Variants in TMEM161B observed in about 807,000 individuals in gnomAD.
TMEM161B encodes transmembrane protein 161B.
Under a neutral mutation model 61.8 loss-of-function variants are expected in TMEM161B, and 34 were observed. That is an observed-to-expected ratio of 0.55 (90% CI 0.42 to 0.73). The LOEUF (loss-of-function observed/expected upper bound fraction) is 0.73. Ranked by LOEUF, TMEM161B falls within the 30% of genes least tolerant of loss-of-function variation. TMEM161B has a pLI of 0.00. For missense variants in TMEM161B, 456 were observed against 558.5 expected, an observed-to-expected ratio of 0.82 and a Z score of 1.85; for synonymous variants, 167 against 192.8, an observed-to-expected ratio of 0.87 and a Z score of 1.11.
chr5:88,251,336 GTGA>G (rs1228013267), intron 1 of TMEM161B, among the ~76,000 whole-genome samples: 8 of 152,056 alleles, frequency 5.3e-5, no homozygotes, highest in Non-Finnish European at 5.9e-5. Context: ...CACAAATCTT[GTGA>G]CTTCTGGCCA....
chr5:88,190,322 A>G, downstream of TMEM161B: 3 of 696,502 alleles, frequency 4.3e-6, no homozygotes, highest in East Asian at 2.7e-5. Flanking sequence ...TGCGAGATGT[A>G]GAAATACTGG....
intron 5 of TMEM161B, among the ~76,000 whole-genome samples, chr5:88,209,942 G>A (rs898277010): frequency 3.9e-5 from 6 of 152,122 alleles, no homozygotes; most frequent in African/African-American, 1.4e-4. Context: ...CTTCCCAGCT[G>A]AGGCCATTCT....
At chr5:88,240,517 A>C (rs1314233288) in intron 2 of TMEM161B, among the ~76,000 whole-genome samples, 3 of 151,788 alleles carry the variant, frequency 2.0e-5, no homozygotes. Flanking sequence ...AAACAGATAA[A>C]CTACTAATAT....
chr5:88,253,622 A>G (rs1037789982), intron 1 of TMEM161B, among the ~76,000 whole-genome samples: 2 of 152,178 alleles, frequency 1.3e-5, no homozygotes, highest in African/African-American at 4.8e-5. Context: ...GTACTTGGAA[A>G]TAATCCCAGG....
At chr5:88,258,890 T>G (rs990431515) in intron 1 of TMEM161B, among the ~76,000 whole-genome samples, 1 of 152,156 alleles carries the variant, frequency 6.6e-6, no homozygotes, top group Non-Finnish European at 1.5e-5. Context: ...AGATTAGTAT[T>G]TCAAAGGGCT....
intron 4 of TMEM161B, among the ~76,000 whole-genome samples, chr5:88,224,180 T>C (rs1384166775): frequency 1.3e-5 from 2 of 152,178 alleles, no homozygotes; most frequent in Non-Finnish European, 2.9e-5. Flanking sequence ...AAAACACGCA[T>C]CATTTCATTT....
At chr5:88,242,433 T>C (rs866479902) in intron 1 of TMEM161B, among the ~76,000 whole-genome samples, 1 of 151,218 alleles carries the variant, frequency 6.6e-6, no homozygotes, top group African/African-American at 2.4e-5. Flanking sequence ...ACTCCAAAAA[T>C]AAAGTTGAAT....
chr5:88,198,809 A>G (rs1348685464), intron 10 of TMEM161B, 167 bp downstream of exon 10: 4 of 652,684 alleles, frequency 6.1e-6, no homozygotes, highest in Non-Finnish European at 7.5e-6. Context: ...CTTGGCACCA[A>G]AATCAGATCA....
chr5:88,246,980 T>C (rs1260324600), intron 1 of TMEM161B, among the ~76,000 whole-genome samples: 1 of 151,952 alleles, frequency 6.6e-6, no homozygotes, highest in Non-Finnish European at 1.5e-5. Context: ...ACTGATTCTC[T>C]TGATAACTGG....
At chr5:88,258,690 C>A (rs1484199865) in intron 1 of TMEM161B, among the ~76,000 whole-genome samples, 1 of 152,066 alleles carries the variant, frequency 6.6e-6, no homozygotes, top group African/African-American at 2.4e-5. Context: ...GAAGTTTTGG[C>A]TTCAGTAACA....
At chr5:88,197,551 T>C in intron 11 of TMEM161B, 118 bp downstream of exon 11, 1 of 892,040 alleles carries the variant, frequency 1.1e-6, no homozygotes, top group Admixed American at 2.6e-5. Flanking sequence ...TGGTTCTTTT[T>C]ACAACTTTTA....
intron 2 of TMEM161B, 30 bp downstream of exon 2, chr5:88,240,783 T>C (rs762387742): frequency 1.4e-6 from 2 of 1,463,830 alleles, no homozygotes; most frequent in South Asian, 1.1e-5. Context: ...ATTGAAAGTG[T>C]CAGTTGAAAT....
At position 88,205,934 on chromosome 5, in the gene TMEM161B, G is replaced by A; in HGVS notation, c.680C>T (p.Thr227Ile). The A allele has an allele frequency of 1.2e-6, 2 of 1,609,678 alleles. No individual in the cohort carries two copies. Among genetic ancestry groups the A allele is most frequent in the Non-Finnish European group, 1.7e-6 (2 of 1,177,848 alleles). ...GAAAATAGCCAGGAAAAATTTGAAAGTAAGTTTTGAAACAGGACTCCTAAA... is the reference window on the plus strand; with the variant it reads ...GAAAATAGCCAGGAAAAATTTGAAAATAAGTTTTGAAACAGGACTCCTAAA... ...LESQSPVSKL[T>I]FKFFLAIFCS... Residue 227 changes from threonine to isoleucine, a missense_variant, in exon 8 of 12, where the codon ACT (threonine) becomes ATT (isoleucine). By Grantham distance (89) the Thr-to-Ile change is moderately conservative. This residue lies in a region of TMEM161B where 367 missense variants were observed against 427.3 expected (regional missense o/e 0.86). Coordinates refer to ENST00000296595, the MANE Select transcript of TMEM161B (RefSeq NM_153354.5).
chr5:88,204,576 A>C lies in TMEM161B; in HGVS notation c.800+1238T>G, dbSNP rs191704992. Among the ~76,000 whole-genome samples the C allele has an allele frequency of 2.4e-3, 360 of 152,252 alleles. 1 individual carries two copies. The highest frequency in any genetic ancestry group is 8.3e-3 in the African/African-American group (345 of 41,546). On this transcript the variant is annotated intron_variant, in intron 8 of 11. Coordinates refer to ENST00000296595, the MANE Select transcript of TMEM161B (RefSeq NM_153354.5). ...CCACAGCGGTTTCAGTAGCTTGTGA[A>C]GGGCTCCCCTCCACCCACCCTTTTC...
At chr5:88,213,602 G>A (rs1313451664) in intron 5 of TMEM161B, among the ~76,000 whole-genome samples, 1 of 151,790 alleles carries the variant, frequency 6.6e-6, no homozygotes, top group Non-Finnish European at 1.5e-5. Flanking sequence ...TTTATTTTCA[G>A]AACAAAATTT....
Position 88,220,723 on chromosome 5 carries a change from G to GAAAT in TMEM161B, c.290-5_290-4insATTT. ...TATTCTGGAAAGTAATGCAATGCTG[G>GAAAT]AAAGAAAAAAAAAAAAAAAAAAAAA... On this transcript the variant is annotated splice_region_variant and splice_polypyrimidine_tract_variant and intron_variant, in intron 4 of 11. Transcript: ENST00000296595. The GAAAT allele has an allele frequency of 7.5e-6, 2 of 267,172 alleles. No individual in the cohort carries two copies. Among genetic ancestry groups the GAAAT allele is most frequent in the African/African-American group, 1.3e-4 (1 of 7,508 alleles). The allele number at this position is 267,172 out of a possible 1,614,324, so 16.6% of individuals were successfully genotyped here.
Position 88,220,726 on chromosome 5 carries a change from A to AC in TMEM161B, c.290-8_290-7insG. The AC allele has an allele frequency of 2.0e-5, 24 of 1,218,054 alleles. No individual in the cohort carries two copies. Among genetic ancestry groups the AC allele is most frequent in the African/African-American group, 6.8e-5 (4 of 58,688 alleles). 75.5% of individuals were successfully genotyped at this position (1,218,054 alleles called of 1,614,324 possible). A position where few individuals can be genotyped will look rare whatever the true frequency, so the allele number is the denominator to read the frequency against. ...TCTGGAAAGTAATGCAATGCTGGAA[A>AC]GAAAAAAAAAAAAAAAAAAAAAAAA... On this transcript the variant is annotated splice_region_variant and splice_polypyrimidine_tract_variant and intron_variant, in intron 4 of 11. Coordinates refer to ENST00000296595, the MANE Select transcript of TMEM161B (RefSeq NM_153354.5).
intron 4 of TMEM161B, chr5:88,221,673 C>A (rs1446494496): frequency 6.6e-6 from 3 of 455,784 alleles, no homozygotes; most frequent in Non-Finnish European, 1.3e-5. Flanking sequence ...AATTCCATCA[C>A]CCTTTGCATC....
At chr5:88,212,521 A>T (rs1161673873) in intron 5 of TMEM161B, among the ~76,000 whole-genome samples, 1 of 152,202 alleles carries the variant, frequency 6.6e-6, no homozygotes, top group Admixed American at 6.5e-5. Context: ...ATTAAATAAC[A>T]TACACTTATA....
Sources: allele counts gnomAD v4.1 joint callset (sites outside exome capture counted in the v4.1 genomes callset), GRCh38; gene constraint gnomAD v4.1.1; regional missense constraint gnomAD v4.1.1; transcripts MANE v1.5; gene names NCBI Gene and HGNC (gene_info 2026-07-23, HGNC 2026-07-21).